ZNF829: variants seen among roughly 807,000 people sequenced by gnomAD.
The protein encoded by ZNF829 is zinc finger protein 829.
In ZNF829, 25 loss-of-function variants were observed where a neutral mutation model predicts 35.2. The observed-to-expected ratio is 0.71, with a 90% CI of 0.52 to 0.99. The LOEUF is 0.99. Among genes scored for constraint, ZNF829 ranks in the 50% least tolerant of loss-of-function variants. The pLI, the probability that ZNF829 is intolerant of heterozygous loss-of-function variation, is 0.00. For missense variants in ZNF829, 417 were observed against 515.3 expected (o/e 0.81, Z 1.85); for synonymous variants, 136 against 163.2 (o/e 0.83, Z 1.27).
At position 36,892,133 on chromosome 19, in the gene ZNF829, C is replaced by T. The variant is rs1421785815; in HGVS notation, c.658G>A (p.Ala220Thr). Residue 220 changes from alanine (A) to threonine (T), a missense_variant, in exon 6 of 6, where the codon GCT (alanine) becomes ACT (threonine). Coordinates refer to ENST00000391711, the MANE Select transcript of ZNF829 (RefSeq NM_001037232.4). ...KPYECKECGK[A>T]FSCSSYFSQH... ...GAAAAATATGAACTACAACTAAAAG[C>T]CTTGCCACATTCCTTACATTCATAG... 5.6e-6 allele frequency: 9 copies of T among 1,613,900 alleles called. No individual in the cohort carries two copies. Among genetic ancestry groups the T allele is most frequent in the African/African-American group, 2.7e-5 (2 of 74,912 alleles).
In ZNF829 at chr19:36,914,903, TA is replaced by T. The variant is rs1326173262; in HGVS notation, c.96+61del. ...GTGATGGGAAAATTATAGGGACCTA[TA>T]ATTAAATGACATTCCTTTAAGCAAG... On this transcript the variant is annotated intron_variant, in intron 3 of 5. Transcript: ENST00000391711. The T allele has an allele frequency of 2.2e-5, 34 of 1,539,370 alleles. No individual in the cohort carries two copies. In the Middle Eastern group the frequency reaches 5.1e-4, roughly 23 times the overall value.
In ZNF829 at chr19:36,889,588, C is replaced by T. The variant is rs1024792894; in HGVS notation, c.*1904G>A. The T allele has an allele frequency of 2.0e-5, 3 of 152,092 alleles. No individual in the cohort carries two copies. In the South Asian group the frequency reaches 6.2e-4, roughly 31 times the overall value. 9.4% of individuals were successfully genotyped at this position (152,092 alleles called of 1,614,324 possible). On this transcript the variant is annotated 3_prime_UTR_variant, in exon 6 of 6. Transcript: ENST00000391711. ...TTCTAATATGTGCATATAGTTTCTG[C>T]TGATATTTTATATGTCTGTGTTATC...
At chr19:36,914,930 A>C in intron 3 of ZNF829, 35 bp downstream of exon 3, 1 of 1,610,052 alleles carries the variant, frequency 6.2e-7, no homozygotes, top group Non-Finnish European at 8.5e-7. Context: ...TTTAAGCAAG[A>C]ATTTTCAGAA....
chr19:36,895,142 T>A (rs1172582448), intron 5 of ZNF829, among the ~76,000 whole-genome samples: 3 of 152,012 alleles, frequency 2.0e-5, no homozygotes, highest in Admixed American at 6.6e-5. Flanking sequence ...GCAGAAACCT[T>A]CCATGCCAGG....
intron 5 of ZNF829, among the ~76,000 whole-genome samples, chr19:36,898,901 C>T (rs1022516230): frequency 2.0e-5 from 3 of 152,112 alleles, no homozygotes; most frequent in African/African-American, 4.8e-5. Context: ...TATAAAACTA[C>T]TGCAGGAAAA....
At chr19:36,899,949 C>A (rs1277467770) in intron 5 of ZNF829, among the ~76,000 whole-genome samples, 2 of 151,698 alleles carry the variant, frequency 1.3e-5, no homozygotes, top group East Asian at 1.9e-4. Context: ...ATGAGTAACA[C>A]TTAGTATTTG....
chr19:36,914,900 CTATAATTAAA>C, intron 3 of ZNF829, 55 bp downstream of exon 3: 1 of 1,513,786 alleles, frequency 6.6e-7, no homozygotes, highest in Middle Eastern at 1.7e-4. Flanking sequence ...TTATAGGGAC[CTATAATTAAA>C]TGACATTCCT....
chr19:36,891,532 C>T lies in ZNF829; in HGVS notation c.1259G>A (p.Arg420His), dbSNP rs776421835. The part of the protein sequence containing the change: ...CKECGKAFGS[R>H]SDLIRHEGIH... ...TCCCTCATGGCGAATGAGGTCAGAG[C>T]GACTACCAAAAGCCTTTCCACATTC... is the stretch of plus-strand genomic sequence containing the variant. The change falls in exon 6 of 6, where the codon CGC becomes CAC. Residue 420 changes from arginine to histidine, a missense_variant. Physicochemically the swap from Arg to His is conservative, Grantham distance 29. Transcript: ENST00000391711. 1.5e-5 allele frequency: 24 copies of T among 1,596,786 alleles called. No homozygotes were observed. The highest frequency in any genetic ancestry group is 4.5e-5 in the East Asian group (2 of 44,780).
rs1448875718 is a variant in ZNF829 at position 36,892,473 on chromosome 19, T to G, written c.320-2A>C. The G allele has an allele frequency of 6.4e-7, 1 of 1,558,234 alleles. No individual in the cohort carries two copies. Among genetic ancestry groups the G allele is most frequent in the Non-Finnish European group, 8.6e-7 (1 of 1,160,930 alleles). ...TGGTCTCACACATTGATTCCAGATC[T>G]GAAAGAAAATACAAAGGCAAATAAA... On this transcript the variant is annotated splice_acceptor_variant, in intron 5 of 5. Transcript: ENST00000391711. LOFTEE classifies it high-confidence loss of function.
Position 36,892,319 on chromosome 19 carries a change from A to G in ZNF829, c.472T>C (p.Cys158Arg), listed in dbSNP as rs1218909919. 6.2e-7 allele frequency: 1 copy of G among 1,613,776 alleles called. No individual in the cohort carries two copies. Among genetic ancestry groups the G allele is most frequent in the Non-Finnish European group, 8.5e-7 (1 of 1,179,992 alleles). ...KTMSEEKPWE[C>R]KICGKTFNQN... ...TTAAAGGTCTTTCCACATATCTTACATTCCCATGGTTTCTCTTCACTCATA... is the reference window on the plus strand; with the variant it reads ...TTAAAGGTCTTTCCACATATCTTACGTTCCCATGGTTTCTCTTCACTCATA... The change falls in exon 6 of 6, where the codon TGT becomes CGT. Residue 158 changes from cysteine (C) to arginine (R), a missense_variant. Transcript: ENST00000391711.
intron 5 of ZNF829, among the ~76,000 whole-genome samples, chr19:36,897,681 C>T (rs1327269087): frequency 6.6e-6 from 1 of 152,136 alleles, no homozygotes; most frequent in Non-Finnish European, 1.5e-5. Context: ...CAATATAGTA[C>T]TGGAAGTCCT....
chr19:36,898,784 G>T (rs539830045), intron 5 of ZNF829, among the ~76,000 whole-genome samples: 5 of 152,156 alleles, frequency 3.3e-5, no homozygotes, highest in African/African-American at 1.2e-4. Context: ...AATGGTGCTG[G>T]GAAAACTGGT....
At position 36,889,393 on chromosome 19, in the gene ZNF829, T is replaced by C. The variant is rs1169456343; in HGVS notation, c.*2099A>G. The C allele has an allele frequency of 6.6e-6, 1 of 152,194 alleles. No homozygotes were observed. The highest frequency in any genetic ancestry group is 1.5e-5 in the Non-Finnish European group (1 of 68,022). 9.4% of individuals were successfully genotyped at this position (152,194 alleles called of 1,614,324 possible). A position where few individuals can be genotyped will look rare whatever the true frequency, so the allele number is the denominator to read the frequency against. ...TACTAGTTCTTCCTTGCATGTCTAG[T>C]AGAATTCAGCTGTGAATCTGTCTGG... On this transcript the variant is annotated 3_prime_UTR_variant, in exon 6 of 6. Coordinates refer to ENST00000391711, the MANE Select transcript of ZNF829 (RefSeq NM_001037232.4).
intron 5 of ZNF829, among the ~76,000 whole-genome samples, chr19:36,900,145 A>AACACACACAC (rs56218050): frequency 1.9e-4 from 23 of 120,500 alleles, no homozygotes; most frequent in African/African-American, 6.3e-4. Flanking sequence ...GTCTCTACTA[A>AACACACACAC]ACACACACAC....
chr19:36,914,946 A>G lies in ZNF829; in HGVS notation c.96+19T>C. ...TTAAGCAAGAATTTTCAGAAGAAAA[A>G]GAGGAAACCCCAACACACCTTGGAT... On this transcript the variant is annotated intron_variant, in intron 3 of 5. Coordinates refer to ENST00000391711, the MANE Select transcript of ZNF829 (RefSeq NM_001037232.4). 1 of 1,613,688 alleles carries G rather than the reference A, an allele frequency of 6.2e-7. No homozygotes were observed. Among genetic ancestry groups the G allele is most frequent in the Non-Finnish European group, 8.5e-7 (1 of 1,179,638 alleles).
Position 36,891,324 on chromosome 19 carries a change from C to T in ZNF829, c.*168G>A, listed in dbSNP as rs757550264. 46 of 616,956 alleles carry T rather than the reference C, an allele frequency of 7.5e-5. No individual in the cohort carries two copies. The highest frequency in any genetic ancestry group is 1.2e-4 in the Non-Finnish European group (46 of 390,072). 38.2% of individuals were successfully genotyped at this position (616,956 alleles called of 1,614,324 possible). ...CTCTAAACTATGAGAGAATAAATTTCTCTTGTTTTAAGCCACCAAGGTTTT... is the reference window on the plus strand; with the variant it reads ...CTCTAAACTATGAGAGAATAAATTTTTCTTGTTTTAAGCCACCAAGGTTTT... On this transcript the variant is annotated 3_prime_UTR_variant, in exon 6 of 6. Transcript: ENST00000391711.
intron 5 of ZNF829, among the ~76,000 whole-genome samples, chr19:36,900,847 G>GAAAA (rs59848712): frequency 0.013 from 1,122 of 88,904 alleles, 26 homozygotes; most frequent in African/African-American, 0.049. Context: ...GACTGTCTCA[G>GAAAA]AAAAAAAAAA....
At chr19:36,902,391 T>C (rs2073175374) in intron 5 of ZNF829, among the ~76,000 whole-genome samples, 2 of 152,096 alleles carry the variant, frequency 1.3e-5, no homozygotes, top group Admixed American at 1.3e-4. Context: ...TCCCAGCACT[T>C]TGGGAGGCAA....
chr19:36,904,217 A>G (rs1361118082), intron 5 of ZNF829, among the ~76,000 whole-genome samples: 1 of 152,214 alleles, frequency 6.6e-6, no homozygotes, highest in Admixed American at 6.5e-5. Flanking sequence ...CAACTATCAG[A>G]AAAAGACATC....
Sources: allele counts gnomAD v4.1 joint callset (sites outside exome capture counted in the v4.1 genomes callset), GRCh38; gene constraint gnomAD v4.1.1; transcripts MANE v1.5; gene names NCBI Gene and HGNC (gene_info 2026-07-23, HGNC 2026-07-21).